The following HABP2 variants were observed in gnomAD, a reference collection of about 807,000 sequenced individuals.
HABP2 encodes hyaluronan binding protein 2.
HABP2 carries 65 observed loss-of-function variants against 66.5 expected under a neutral mutation model. The observed-to-expected ratio is 0.98, with a 90% confidence interval of 0.80 to 1.20. The LOEUF is 1.20. Among genes scored for constraint, HABP2 ranks in the 50% most tolerant of loss-of-function variants. The pLI is 0.00. For synonymous variants in HABP2, 263 were observed against 253.9 expected (o/e 1.04, Z -0.34); for missense variants, 786 against 691.0 (o/e 1.14, Z -1.54).
chr10:113,581,219 C>A (rs552095563), intron 8 of HABP2, among the ~76,000 whole-genome samples: 127 of 152,246 alleles, frequency 8.3e-4, no homozygotes, highest in East Asian at 3.5e-3. Context: ...TATAACATAC[C>A]ATCCCATATC....
In HABP2 at chr10:113,553,186, G is replaced by A. The variant is rs2133734240; in HGVS notation, c.65G>A (p.Cys22Tyr). The change falls in exon 1 of 13, where the codon TGT becomes TAT. Residue 22 changes from cysteine to tyrosine, a missense_variant. Coordinates refer to ENST00000351270, the MANE Select transcript of HABP2 (RefSeq NM_004132.5). ...ATGGCTCTGGTGGGAAAGACAGCCT[G>A]TGGGGTAAGTGTTCTTTTCTAATAT... ...LLMALVGKTA[C>Y]GFSLMSLLES... 6.2e-7 allele frequency: 1 copy of A among 1,606,638 alleles called. No homozygotes were observed. Among genetic ancestry groups the A allele is most frequent in the South Asian group, 1.1e-5 (1 of 90,920 alleles).
chr10:113,562,438 A>T (rs1422632568), intron 1 of HABP2, among the ~76,000 whole-genome samples: 1 of 138,182 alleles, frequency 7.2e-6, no homozygotes, highest in Non-Finnish European at 1.5e-5. Flanking sequence ...CAGATTGGAT[A>T]AGCTTTTTTT....
At chr10:113,580,765 C>G in intron 8 of HABP2, 73 bp downstream of exon 8, 1 of 790,856 alleles carries the variant, frequency 1.3e-6, no homozygotes, top group Non-Finnish European at 2.2e-6. Flanking sequence ...TCCCTGGCAC[C>G]TGGTCCCTCC....
chr10:113,569,107 A>G (rs1845255276), intron 2 of HABP2, among the ~76,000 whole-genome samples: 2 of 152,188 alleles, frequency 1.3e-5, no homozygotes, highest in Admixed American at 6.5e-5. Flanking sequence ...TTGTTCAAAA[A>G]TCTGAATGGG....
chr10:113,587,743 G>GCTAT (rs1282986770), intron 12 of HABP2, among the ~76,000 whole-genome samples: 1 of 152,002 alleles, frequency 6.6e-6, no homozygotes, highest in Non-Finnish European at 1.5e-5. Flanking sequence ...GGGATCTATT[G>GCTAT]CTATCTATGG....
intron 1 of HABP2, among the ~76,000 whole-genome samples, chr10:113,553,957 T>C (rs1344656770): frequency 3.3e-5 from 5 of 152,216 alleles, no homozygotes; most frequent in Non-Finnish European, 5.9e-5. Context: ...TAGAGTCTCC[T>C]TGGAGTTCCG....
intron 2 of HABP2, among the ~76,000 whole-genome samples, chr10:113,573,416 G>C (rs1011345592): frequency 1.3e-5 from 2 of 152,190 alleles, no homozygotes; most frequent in African/African-American, 2.4e-5. Flanking sequence ...ATAGTCAATG[G>C]GGATGGTGGG....
chr10:113,565,733 G>A (rs549428737), intron 1 of HABP2, among the ~76,000 whole-genome samples: 2 of 152,266 alleles, frequency 1.3e-5, no homozygotes, highest in Middle Eastern at 3.4e-3. Context: ...TTTAAATCCA[G>A]GATCCAATTA....
chr10:113,564,507 C>G (rs767960553), intron 1 of HABP2, among the ~76,000 whole-genome samples: 4 of 152,192 alleles, frequency 2.6e-5, no homozygotes, highest in Non-Finnish European at 5.9e-5. Context: ...AACAGAACAC[C>G]TGTCCCATCT....
chr10:113,578,833 G>T, intron 7 of HABP2, 35 bp downstream of exon 7: 1 of 1,455,290 alleles, frequency 6.9e-7, no homozygotes, highest in Non-Finnish European at 9.6e-7. Flanking sequence ...AGTTGATTTT[G>T]GTCACTTATT....
chr10:113,575,956 T>G lies in HABP2; in HGVS notation c.283T>G (p.Phe95Val), dbSNP rs534805704. 1.2e-5 allele frequency: 19 copies of G among 1,611,966 alleles called. No individual in the cohort carries two copies. The African/African-American group carries it at 2.3e-4, about 19-fold the overall frequency. Residue 95 changes from phenylalanine (F) to valine (V), a missense_variant, in exon 4 of 13, where the codon TTC (phenylalanine) becomes GTC (valine). Coordinates refer to ENST00000351270, the MANE Select transcript of HABP2 (RefSeq NM_004132.5). ...GGACTGCCTCGTCCATGGGAGCACC[T>G]TCACATGCAGCTGCCTGGCTCCTTT... ...GGDCLVHGST[F>V]TCSCLAPFSG...
intron 1 of HABP2, among the ~76,000 whole-genome samples, chr10:113,563,098 T>C (rs1437294235): frequency 6.6e-6 from 1 of 152,216 alleles, no homozygotes; most frequent in Non-Finnish European, 1.5e-5. Context: ...CCGTAAAATA[T>C]TTAACACAGT....
At chr10:113,560,466 C>T (rs1845080346) in intron 1 of HABP2, among the ~76,000 whole-genome samples, 2 of 152,130 alleles carry the variant, frequency 1.3e-5, no homozygotes, top group African/African-American at 4.8e-5. Context: ...TATGGCGGTC[C>T]CTGACAAAGT....
At chr10:113,583,139 CAGA>C in intron 9 of HABP2, 74 bp from the exon 10 acceptor site, 2 of 1,300,002 alleles carry the variant, frequency 1.5e-6, no homozygotes, top group South Asian at 2.6e-5. Context: ...GCTGAGTCTG[CAGA>C]AGGTCAGATT....
chr10:113,555,811 T>C (rs779322648), intron 1 of HABP2, among the ~76,000 whole-genome samples: 37 of 152,306 alleles, frequency 2.4e-4, no homozygotes, highest in Non-Finnish European at 4.9e-4. Context: ...CTGGCCAGGA[T>C]TGGGGCCAGG....
In HABP2 at chr10:113,578,233, T is replaced by G. The variant is rs1321340308; in HGVS notation, c.568+88T>G. ...TTTTGTTGCCAGAATGTGGTTCAAA[T>G]CAAGTTTCCCAAACTCGACTATTGC... On this transcript the variant is annotated intron_variant, in intron 6 of 12. Transcript: ENST00000351270. 3 of 1,439,004 alleles carry G rather than the reference T, an allele frequency of 2.1e-6. No homozygotes were observed. In the African/African-American group the frequency reaches 4.2e-5, roughly 20 times the overall value. 89.1% of individuals were successfully genotyped at this position (1,439,004 alleles called of 1,614,324 possible). A position where few individuals can be genotyped will look rare whatever the true frequency, so the allele number is the denominator to read the frequency against.
In HABP2 at chr10:113,575,935, T is replaced by C. The variant is rs778046820; in HGVS notation, c.262T>C (p.Cys88Arg). The change falls in exon 4 of 13, where the codon TGC (cysteine) becomes CGC (arginine). Residue 88 changes from cysteine (C) to arginine (R), a missense_variant. Cys to Arg is a radical substitution (Grantham distance 180). Coordinates refer to ENST00000351270, the MANE Select transcript of HABP2 (RefSeq NM_004132.5). ...QPNPCEHGGD[C>R]LVHGSTFTCS... ...CAACCCCTGTGAACACGGTGGGGAC[T>C]GCCTCGTCCATGGGAGCACCTTCAC... The C allele has an allele frequency of 7.4e-6, 12 of 1,612,332 alleles. No individual in the cohort carries two copies. The highest frequency in any genetic ancestry group is 9.3e-6 in the Non-Finnish European group (11 of 1,178,306).
At chr10:113,563,640 A>G (rs562414493) in intron 1 of HABP2, among the ~76,000 whole-genome samples, 2 of 152,164 alleles carry the variant, frequency 1.3e-5, no homozygotes, top group East Asian at 3.9e-4. Flanking sequence ...CACGTCTGCC[A>G]CCTGCTGGCT....
chr10:113,575,888 G>A lies in HABP2; in HGVS notation c.224-9G>A, dbSNP rs1334250778. ...CTTACCAACATTGCCTTCTTCCTGT[G>A]TGTCTTAGATCCATGCCAGCCCAAC... On this transcript the variant is annotated splice_polypyrimidine_tract_variant and intron_variant, in intron 3 of 12. Coordinates refer to ENST00000351270, the MANE Select transcript of HABP2 (RefSeq NM_004132.5). 6 of 1,533,014 alleles carry A rather than the reference G, an allele frequency of 3.9e-6. No homozygotes were observed. In the African/African-American group the frequency reaches 6.8e-5, roughly 17 times the overall value. The allele number at this position is 1,533,014 out of a possible 1,614,324, so 95.0% of individuals were successfully genotyped here. A position where few individuals can be genotyped will look rare whatever the true frequency, so the allele number is the denominator to read the frequency against.
Sources: gnomAD v4.1 joint callset for allele counts (sites outside exome capture counted in the v4.1 genomes callset) on GRCh38, gnomAD v4.1.1 for gene constraint, MANE v1.5 for transcripts, NCBI Gene and HGNC (gene_info 2026-07-23, HGNC 2026-07-21) for gene names.